Variants in RBMS3 observed in about 807,000 individuals in gnomAD.
RBMS3 encodes the protein RNA binding motif single stranded interacting protein 3.
In RBMS3, 27 loss-of-function variants were observed where a neutral mutation model predicts 66.8. That is an observed-to-expected ratio of 0.40 (90% CI 0.30 to 0.56). RBMS3 has a LOEUF of 0.56. Among genes scored for constraint, RBMS3 ranks in the 20% least tolerant of loss-of-function variants. The probability of loss-of-function intolerance (pLI) is 0.40; values close to 1 mark genes in which losing one functional copy is unlikely to be tolerated. For synonymous variants in RBMS3, 188 were observed against 183.0 expected (o/e 1.03, Z -0.22); for missense variants, 513 against 549.5 (o/e 0.93, Z 0.66).
Position 29,952,176 on chromosome 3 carries a change from C to G in RBMS3, c.1098+7922C>G, listed in dbSNP as rs373795098. 1.1e-4 allele frequency among the ~76,000 whole-genome samples: 16 copies of G among 151,834 alleles called. No homozygotes were observed. In the East Asian group the frequency reaches 1.4e-3, roughly 13 times the overall value. ...TAGCAGGGGTAACCTCTAACATTTT[C>G]CCCACCTCTACTCATCACATCTCAA... On this transcript the variant is annotated intron_variant, in intron 12 of 14. Transcript: ENST00000383767.
chr3:29,614,188 A>T (rs1418101710), intron 4 of RBMS3, among the ~76,000 whole-genome samples: 3 of 152,148 alleles, frequency 2.0e-5, no homozygotes, highest in Non-Finnish European at 4.4e-5. Context: ...ATGAACCTGG[A>T]GGACAATACA....
intron 3 of RBMS3, among the ~76,000 whole-genome samples, chr3:29,550,144 T>A (rs994245427): frequency 6.6e-6 from 1 of 152,252 alleles, no homozygotes; most frequent in African/African-American, 2.4e-5. Flanking sequence ...CCATTGGTTC[T>A]GTTTTAGTTA....
intron 3 of RBMS3, among the ~76,000 whole-genome samples, chr3:29,585,117 C>G (rs1041363805): frequency 6.6e-6 from 1 of 152,044 alleles, no homozygotes; most frequent in Non-Finnish European, 1.5e-5. Flanking sequence ...ACTATATACC[C>G]TTTGCTTAGT....
rs1016247337 is a variant in RBMS3, at chr3:29,899,847, A to G, written c.939+92A>G. The G allele has an allele frequency of 1.1e-5, 14 of 1,279,582 alleles. No individual in the cohort carries two copies. In the Admixed American group the frequency reaches 2.5e-4, roughly 23 times the overall value. The allele number at this position is 1,279,582 out of a possible 1,614,324, so 79.3% of individuals were successfully genotyped here. On this transcript the variant is annotated intron_variant, in intron 10 of 14. Transcript: ENST00000383767. Reference sequence around the variant, plus strand: ...GAAGCTTTGGGGTAAAGCTTTTGTTATAATATGTAACTCGTTCAGGCAGCC... The same window carrying G: ...GAAGCTTTGGGGTAAAGCTTTTGTTGTAATATGTAACTCGTTCAGGCAGCC...
At chr3:29,881,296 C>A (rs972552687) in intron 7 of RBMS3, among the ~76,000 whole-genome samples, 10 of 152,138 alleles carry the variant, frequency 6.6e-5, no homozygotes, top group African/African-American at 2.4e-4. Context: ...GCACCCCATC[C>A]ATACCACTCA....
chr3:29,679,462 G>A (rs1317318073), intron 4 of RBMS3, among the ~76,000 whole-genome samples: 1 of 152,020 alleles, frequency 6.6e-6, no homozygotes, highest in Non-Finnish European at 1.5e-5. Context: ...AAATGGAAAC[G>A]ACCTGGAGAT....
chr3:29,530,937 A>G (rs1209066085), intron 3 of RBMS3, among the ~76,000 whole-genome samples: 1 of 152,120 alleles, frequency 6.6e-6, no homozygotes, highest in Non-Finnish European at 1.5e-5. Flanking sequence ...ATCCATAAAC[A>G]TGTAGTTAAA....
At chr3:29,469,999 AATT>A (rs1185150422) in intron 2 of RBMS3, among the ~76,000 whole-genome samples, 1 of 147,916 alleles carries the variant, frequency 6.8e-6, no homozygotes, top group Admixed American at 6.8e-5. Flanking sequence ...TATTATATAA[AATT>A]ATATAATATG....
chr3:29,803,931 A>G (rs1486990239), intron 6 of RBMS3, among the ~76,000 whole-genome samples: 1 of 152,064 alleles, frequency 6.6e-6, no homozygotes, highest in Non-Finnish European at 1.5e-5. Context: ...AGTGCAAAGT[A>G]GGCTATTTCA....
chr3:29,896,035 T>G (rs181916157), intron 8 of RBMS3, among the ~76,000 whole-genome samples: 43 of 151,644 alleles, frequency 2.8e-4, no homozygotes, highest in Admixed American at 1.2e-3. Flanking sequence ...TAATGTATGA[T>G]GGGATAATTT....
chr3:29,702,734 C>T (rs6771448), intron 4 of RBMS3, among the ~76,000 whole-genome samples: 19,317 of 152,088 alleles, frequency 0.13, 2,667 homozygotes, highest in African/African-American at 0.34. Flanking sequence ...TAACACTCAC[C>T]GTGAAGGTCT....
intron 6 of RBMS3, among the ~76,000 whole-genome samples, chr3:29,777,996 T>C (rs1225008916): frequency 6.6e-6 from 1 of 151,908 alleles, no homozygotes; most frequent in East Asian, 1.9e-4. Flanking sequence ...ATACTCTTTT[T>C]CTCTGATGGC....
intron 5 of RBMS3, among the ~76,000 whole-genome samples, chr3:29,760,252 A>AAC (rs139553062): frequency 0.14 from 20,338 of 148,256 alleles, 1,493 homozygotes; most frequent in Middle Eastern, 0.28. Context: ...ATGTAGAATA[A>AAC]ACACACACAC....
intron 1 of RBMS3, among the ~76,000 whole-genome samples, chr3:29,321,874 G>A (rs1276415413): frequency 6.6e-6 from 1 of 151,096 alleles, no homozygotes; most frequent in Non-Finnish European, 1.5e-5. Flanking sequence ...TGCTCACTCA[G>A]TAAAAACTAA....
At chr3:29,917,190 A>T (rs546873922) in intron 10 of RBMS3, among the ~76,000 whole-genome samples, 1 of 152,224 alleles carries the variant, frequency 6.6e-6, no homozygotes, top group Non-Finnish European at 1.5e-5. Context: ...GCAGGGGAAA[A>T]ATAATTTAAA....
At chr3:29,455,598 A>G (rs2042161050) in intron 2 of RBMS3, among the ~76,000 whole-genome samples, 1 of 152,196 alleles carries the variant, frequency 6.6e-6, no homozygotes, top group South Asian at 2.1e-4. Flanking sequence ...TAATTCATTG[A>G]CATTTGTCAA....
intron 4 of RBMS3, among the ~76,000 whole-genome samples, chr3:29,640,172 T>C (rs1201269081): frequency 6.6e-6 from 1 of 151,686 alleles, no homozygotes; most frequent in African/African-American, 2.4e-5. Context: ...TGCCAAGTAT[T>C]TCCCCAGATG....
intron 12 of RBMS3, among the ~76,000 whole-genome samples, chr3:29,987,796 A>G (rs756861539): frequency 2.0e-5 from 3 of 152,200 alleles, no homozygotes; most frequent in Non-Finnish European, 2.9e-5. Flanking sequence ...AAAGAGAGTA[A>G]AAAAGAGACA....
intron 4 of RBMS3, among the ~76,000 whole-genome samples, chr3:29,681,001 T>C (rs2051461615): frequency 6.6e-6 from 1 of 152,226 alleles, no homozygotes; most frequent in Admixed American, 6.5e-5. Flanking sequence ...TATGTCTGCA[T>C]TGATGCATAC....
Sources: allele counts gnomAD v4.1 joint callset (sites outside exome capture counted in the v4.1 genomes callset), GRCh38; gene constraint gnomAD v4.1.1; transcripts MANE v1.5; gene names NCBI Gene and HGNC (gene_info 2026-07-23, HGNC 2026-07-21).